Variants in JARID2 observed in about 807,000 individuals in gnomAD.
JARID2 encodes the protein protein Jumonji.
In JARID2, 21 loss-of-function variants were observed where a neutral mutation model predicts 125.6. The observed-to-expected ratio is 0.17, with a 90% CI of 0.12 to 0.24. JARID2 has a LOEUF of 0.24. JARID2 is among the 10% of genes least tolerant of loss of function. The pLI, the probability that JARID2 is intolerant of heterozygous loss-of-function variation, is 1.00. For synonymous variants in JARID2, 736 were observed against 661.6 expected, an observed-to-expected ratio of 1.11 and a Z score of -1.73; for missense variants, 1,303 against 1,639.6, an observed-to-expected ratio of 0.79 and a Z score of 3.55.
At chr6:15,368,930 C>G (rs1268783291) in intron 1 of JARID2, among the ~76,000 whole-genome samples, 1 of 152,002 alleles carries the variant, frequency 6.6e-6, no homozygotes, top group Non-Finnish European at 1.5e-5. Flanking sequence ...TTCTGAGCCC[C>G]TAGATCTGGA....
intron 1 of JARID2, among the ~76,000 whole-genome samples, chr6:15,350,921 C>G (rs1763401957): frequency 1.3e-5 from 2 of 151,450 alleles, no homozygotes; most frequent in South Asian, 2.1e-4. Flanking sequence ...GTTAGGTCCT[C>G]AAGGATTGCT....
intron 1 of JARID2, among the ~76,000 whole-genome samples, chr6:15,350,796 G>A (rs553437685): frequency 1.5e-5 from 2 of 135,750 alleles, no homozygotes; most frequent in South Asian, 2.3e-4. Context: ...CTGTACATTT[G>A]ATTTTAGTGA....
intron 1 of JARID2, among the ~76,000 whole-genome samples, chr6:15,366,521 G>A (rs1158670486): frequency 1.4e-5 from 2 of 141,370 alleles, no homozygotes; most frequent in African/African-American, 5.2e-5. Context: ...GGGGGGGCGG[G>A]GGGGGTGGGG....
At chr6:15,398,888 T>C (rs1476733019) in intron 2 of JARID2, among the ~76,000 whole-genome samples, 1 of 152,198 alleles carries the variant, frequency 6.6e-6, no homozygotes. Context: ...ACTGTTTATG[T>C]CTCGGCGTTT....
At chr6:15,501,535 C>T (rs1194873599) in intron 8 of JARID2, 126 bp downstream of exon 8, 2 of 860,180 alleles carry the variant, frequency 2.3e-6, no homozygotes, top group Admixed American at 3.0e-5. Flanking sequence ...GGGGGCGGGC[C>T]ACTGTGCTGG....
intron 1 of JARID2, among the ~76,000 whole-genome samples, chr6:15,319,491 G>C (rs896317730): frequency 2.6e-5 from 4 of 152,090 alleles, no homozygotes; most frequent in Non-Finnish European, 4.4e-5. Context: ...TCTGCCTCCC[G>C]TGTTCAAGCG....
At chr6:15,404,573 A>ACT (rs1561840186) in intron 2 of JARID2, among the ~76,000 whole-genome samples, 1 of 140,730 alleles carries the variant, frequency 7.1e-6, no homozygotes, top group African/African-American at 2.6e-5. Context: ...ACACACACAC[A>ACT]GAAATTGCTG....
intron 1 of JARID2, among the ~76,000 whole-genome samples, chr6:15,292,599 G>A (rs1442641126): frequency 1.3e-5 from 2 of 152,128 alleles, no homozygotes; most frequent in African/African-American, 4.8e-5. Flanking sequence ...AGGGCCCACT[G>A]TAACATTTAA....
At chr6:15,406,410 A>G (rs774671373) in intron 2 of JARID2, among the ~76,000 whole-genome samples, 10 of 152,218 alleles carry the variant, frequency 6.6e-5, no homozygotes, top group Non-Finnish European at 1.2e-4. Context: ...CTCCAGCCTC[A>G]TGACAGAGCG....
At chr6:15,304,721 A>C (rs1478274376) in intron 1 of JARID2, among the ~76,000 whole-genome samples, 6 of 152,236 alleles carry the variant, frequency 3.9e-5, no homozygotes, top group Non-Finnish European at 1.5e-5. Context: ...TCTGCCCTGC[A>C]TCCAGAGAGA....
intron 3 of JARID2, among the ~76,000 whole-genome samples, chr6:15,437,895 A>C (rs1238434377): frequency 6.6e-6 from 1 of 152,192 alleles, no homozygotes; most frequent in Admixed American, 6.5e-5. Flanking sequence ...AAGAGGGTGG[A>C]GAAAGGCCAC....
chr6:15,281,807 T>G (rs1225301860), intron 1 of JARID2, among the ~76,000 whole-genome samples: 4 of 152,224 alleles, frequency 2.6e-5, no homozygotes, highest in African/African-American at 9.6e-5. Flanking sequence ...TCAGTAGACC[T>G]TTAGGTTGTT....
At chr6:15,321,571 G>T (rs938174042) in intron 1 of JARID2, among the ~76,000 whole-genome samples, 7 of 152,034 alleles carry the variant, frequency 4.6e-5, no homozygotes, top group African/African-American at 1.4e-4. Context: ...ACTGTCAGGG[G>T]GTTTATCTAC....
At chr6:15,420,450 C>G (rs1298315802) in intron 3 of JARID2, among the ~76,000 whole-genome samples, 1 of 151,556 alleles carries the variant, frequency 6.6e-6, no homozygotes, top group African/African-American at 2.4e-5. Context: ...TCTTCAGTGT[C>G]TCTAGTAATA....
chr6:15,288,354 T>C (rs530094029), intron 1 of JARID2, among the ~76,000 whole-genome samples: 21 of 152,094 alleles, frequency 1.4e-4, no homozygotes, highest in Non-Finnish European at 2.6e-4. Flanking sequence ...CACCCAGATA[T>C]CACAAGAACT....
intron 5 of JARID2, among the ~76,000 whole-genome samples, chr6:15,480,792 G>A (rs1056872787): frequency 6.6e-6 from 1 of 152,208 alleles, no homozygotes; most frequent in Non-Finnish European, 1.5e-5. Flanking sequence ...AGGCCCAAAC[G>A]GGGTTGGTGA....
chr6:15,389,715 T>C (rs1307371917), intron 2 of JARID2, among the ~76,000 whole-genome samples: 2 of 152,214 alleles, frequency 1.3e-5, no homozygotes, highest in Non-Finnish European at 2.9e-5. Context: ...CTGAACTCTT[T>C]TTATAAATGG....
At chr6:15,494,319 G>A (rs1770297280) in intron 6 of JARID2, among the ~76,000 whole-genome samples, 2 of 151,678 alleles carry the variant, frequency 1.3e-5, no homozygotes, top group Admixed American at 6.6e-5. Flanking sequence ...CAGACCCTCT[G>A]ACTTGGACAC....
chr6:15,440,335 C>G (rs1423173174), intron 3 of JARID2, among the ~76,000 whole-genome samples: 1 of 152,134 alleles, frequency 6.6e-6, no homozygotes, highest in Non-Finnish European at 1.5e-5. Context: ...GGCGAGGTGT[C>G]TGAGGTCATG....
Sources: gnomAD v4.1 joint callset for allele counts (sites outside exome capture counted in the v4.1 genomes callset) on GRCh38, gnomAD v4.1.1 for gene constraint, MANE v1.5 for transcripts, NCBI Gene and HGNC (gene_info 2026-07-23, HGNC 2026-07-21) for gene names.